The following PTPRG variants were observed in gnomAD, a reference collection of about 807,000 sequenced individuals.
PTPRG encodes the protein receptor-type tyrosine-protein phosphatase gamma.
In PTPRG, 102 loss-of-function variants were observed where a neutral mutation model predicts 165.3. That is an observed-to-expected ratio of 0.62 (90% CI 0.53 to 0.73). PTPRG has a LOEUF of 0.73. Ranked by LOEUF, PTPRG falls within the 30% of genes least tolerant of loss-of-function variation. The probability of loss-of-function intolerance (pLI) is 0.00; values close to 1 mark genes in which losing one functional copy is unlikely to be tolerated. For synonymous variants in PTPRG, 675 were observed against 669.5 expected (o/e 1.01, Z -0.13); for missense variants, 1,866 against 1,861.4 (o/e 1.00, Z -0.05).
chr3:61,649,581 T>C (rs967094737), intron 1 of PTPRG, among the ~76,000 whole-genome samples: 10 of 152,228 alleles, frequency 6.6e-5, no homozygotes, highest in African/African-American at 1.7e-4. Flanking sequence ...CATGGCCTAA[T>C]TGCCTCGTAA....
intron 4 of PTPRG, among the ~76,000 whole-genome samples, chr3:62,029,175 C>G (rs1699681944): frequency 6.6e-6 from 1 of 152,128 alleles, no homozygotes; most frequent in Non-Finnish European, 1.5e-5. Flanking sequence ...GGGCCAGATG[C>G]ATCTAGGATA....
chr3:62,042,204 C>G (rs974509193), intron 4 of PTPRG, among the ~76,000 whole-genome samples: 3 of 152,100 alleles, frequency 2.0e-5, no homozygotes, highest in Non-Finnish European at 2.9e-5. Context: ...GCTTCCACAC[C>G]AGTTATGGAG....
At chr3:62,076,892 CT>C (rs1276388665) in intron 4 of PTPRG, among the ~76,000 whole-genome samples, 1 of 152,142 alleles carries the variant, frequency 6.6e-6, no homozygotes, top group East Asian at 1.9e-4. Flanking sequence ...TTCTCTGCAT[CT>C]TTTTAAATGT....
At chr3:62,011,449 C>G (rs1031954442) in intron 4 of PTPRG, among the ~76,000 whole-genome samples, 3 of 152,166 alleles carry the variant, frequency 2.0e-5, no homozygotes, top group Non-Finnish European at 2.9e-5. Context: ...TGTGCTGCCT[C>G]TTCATGGAGC....
In PTPRG at chr3:61,906,244, G is replaced by C. The variant is rs149145556; in HGVS notation, c.191-83381G>C. Among the ~76,000 whole-genome samples, 31 of 151,574 alleles carry C rather than the reference G, an allele frequency of 2.0e-4. No individual in the cohort carries two copies. In the East Asian group the frequency reaches 5.9e-3, roughly 29 times the overall value. ...CTGAGGCAGGTGGATCATGAGGTCA[G>C]GAGTTCAAGACCAGTCTGGCCAACA... On this transcript the variant is annotated intron_variant, in intron 2 of 29. Transcript: ENST00000474889.
At chr3:61,612,585 A>C (rs1701201987) in intron 1 of PTPRG, among the ~76,000 whole-genome samples, 1 of 152,208 alleles carries the variant, frequency 6.6e-6, no homozygotes. Context: ...TGCTTTTGAA[A>C]GGATCTTCAC....
intron 2 of PTPRG, among the ~76,000 whole-genome samples, chr3:61,951,223 A>T (rs568370691): frequency 3.3e-5 from 5 of 152,348 alleles, no homozygotes; most frequent in African/African-American, 9.6e-5. Context: ...AGTTACTAGA[A>T]TTGGAAGTGG....
At chr3:61,955,423 G>A (rs1056698631) in intron 2 of PTPRG, among the ~76,000 whole-genome samples, 1 of 152,182 alleles carries the variant, frequency 6.6e-6, no homozygotes, top group Non-Finnish European at 1.5e-5. Context: ...AATAATATTT[G>A]TAACCTGCAA....
intron 2 of PTPRG, among the ~76,000 whole-genome samples, chr3:61,956,438 G>GC (rs2040032084): frequency 2.6e-5 from 4 of 151,918 alleles, no homozygotes; most frequent in African/African-American, 9.7e-5. Flanking sequence ...TACTATTCTT[G>GC]CCCCTCAGCC....
chr3:62,198,663 A>G (rs994501823), intron 10 of PTPRG, among the ~76,000 whole-genome samples: 10 of 152,352 alleles, frequency 6.6e-5, no homozygotes, highest in African/African-American at 2.4e-4. Flanking sequence ...GGATATAATA[A>G]TATATGTGCT....
intron 7 of PTPRG, among the ~76,000 whole-genome samples, chr3:62,157,880 T>A (rs1011026806): frequency 6.6e-6 from 1 of 152,150 alleles, no homozygotes; most frequent in African/African-American, 2.4e-5. Context: ...TTTATACATA[T>A]CAACTTAATC....
chr3:62,273,451 AGCACAGTATAGAATACCGTGATCCAG>A lies in PTPRG; in HGVS notation c.3319-230_3319-205del, dbSNP rs1437692402. 6.6e-6 allele frequency among the ~76,000 whole-genome samples: 1 copy of A among 152,310 alleles called. No homozygotes were observed. The highest frequency in any genetic ancestry group is 1.5e-5 in the Non-Finnish European group (1 of 68,030). On this transcript the variant is annotated intron_variant, in intron 22 of 29. Coordinates refer to ENST00000474889, the MANE Select transcript of PTPRG (RefSeq NM_002841.4). This position sits in a 1 kb window ranked among gnomAD's most constrained non-coding sequence, Gnocchi z 4.1. ...GTTTGCTTATTGAGTTGAAGCAATA[AGCACAGTATAGAATACCGTGATCCAG>A]GCACAGTATAGAATACAGAGCTAAA... is the stretch of plus-strand genomic sequence containing the variant.
chr3:61,646,447 T>C (rs1035758146), intron 1 of PTPRG, among the ~76,000 whole-genome samples: 8 of 152,186 alleles, frequency 5.3e-5, no homozygotes, highest in African/African-American at 1.9e-4. Context: ...GCCTTCTTTG[T>C]CCAAAACTCT....
intron 1 of PTPRG, among the ~76,000 whole-genome samples, chr3:61,613,668 A>G (rs1701234069): frequency 6.6e-6 from 1 of 152,208 alleles, no homozygotes; most frequent in Non-Finnish European, 1.5e-5. Context: ...TTGTTTGTTA[A>G]GGGGGAAATG....
chr3:61,926,043 A>G (rs2039201356), intron 2 of PTPRG: 1 of 433,632 alleles, frequency 2.3e-6, no homozygotes, highest in Non-Finnish European at 4.6e-6. Context: ...CTATATCAGA[A>G]TAGAAACCGC....
rs73095553 is a variant in PTPRG at position 61,676,179 on chromosome 3, C to T, written c.86-72699C>T. 8.3e-3 allele frequency among the ~76,000 whole-genome samples: 1,266 copies of T among 152,054 alleles called. 8 individuals carry two copies. Among genetic ancestry groups the T allele is most frequent in the Admixed American group, 0.015 (236 of 15,286 alleles). On this transcript the variant is annotated intron_variant, in intron 1 of 29. Coordinates refer to ENST00000474889, the MANE Select transcript of PTPRG (RefSeq NM_002841.4). ...GTTTAGAAAGTTACTAAAGTCTAGG[C>T]GGGCACAGTGGCTCACGCCTGTAAT...
intron 1 of PTPRG, among the ~76,000 whole-genome samples, chr3:61,729,384 AAACC>A (rs2032400080): frequency 6.6e-6 from 1 of 152,166 alleles, no homozygotes; most frequent in Non-Finnish European, 1.5e-5. Context: ...TGACATTTAA[AAACC>A]GCTATATTTT....
chr3:61,750,692 C>T (rs1030472352), intron 2 of PTPRG: 1 of 152,198 alleles, frequency 6.6e-6, no homozygotes, highest in African/African-American at 2.4e-5. Flanking sequence ...TAAAAGTACC[C>T]ACTGACAATT....
At chr3:62,081,853 A>T (rs1701594629) in intron 5 of PTPRG, among the ~76,000 whole-genome samples, 1 of 152,220 alleles carries the variant, frequency 6.6e-6, no homozygotes, top group South Asian at 2.1e-4. Flanking sequence ...TCCAAATTCA[A>T]ACCTGGCATC....
Sources: gnomAD v4.1 joint callset for allele counts (sites outside exome capture counted in the v4.1 genomes callset) on GRCh38, gnomAD v4.1.1 for gene constraint, Gnocchi (gnomAD v3.1) non-coding constraint, MANE v1.5 for transcripts, NCBI Gene and HGNC (gene_info 2026-07-23, HGNC 2026-07-21) for gene names.